Variants in ADAM8 observed in about 807,000 individuals in gnomAD.
ADAM8 encodes ADAM metallopeptidase domain 8.
ADAM8 carries 104 observed loss-of-function variants against 102.4 expected under a neutral mutation model. The observed-to-expected ratio is 1.02, with a 90% CI of 0.87 to 1.20. The LOEUF is 1.20. ADAM8 is among the 50% of genes most tolerant of loss of function. The pLI, the probability that ADAM8 is intolerant of heterozygous loss-of-function variation, is 0.00. For synonymous variants in ADAM8, 517 were observed against 485.2 expected (o/e 1.07, Z -0.86); for missense variants, 1,132 against 1,159.0 (o/e 0.98, Z 0.34).
rs765487527 is a variant in ADAM8 at position 133,268,893 on chromosome 10, G to C, written c.1949-31C>G. ...GGACACACGGCCCCACATCAGGCAG[G>C]CAGGCCGCGACCTCAGGCAGGAGCC... On this transcript the variant is annotated intron_variant, in intron 18 of 22. Coordinates refer to ENST00000445355, the MANE Select transcript of ADAM8 (RefSeq NM_001109.5). The C allele has an allele frequency of 3.1e-6, 5 of 1,593,780 alleles. No individual in the cohort carries two copies. The Admixed American group carries it at 6.8e-5, about 22-fold the overall frequency.
chr10:133,269,606 G>T, intron 17 of ADAM8, 77 bp from the exon 18 acceptor site: 2 of 1,393,252 alleles, frequency 1.4e-6, no homozygotes, highest in South Asian at 1.4e-5. Flanking sequence ...TCCAGCATGA[G>T]GGCCCCGGGC....
Position 133,270,744 on chromosome 10 carries a change from G to A in ADAM8, c.1626C>T (p.Ser542=). The part of the protein sequence containing the change: ...SYDILPGCKA[S]RYRADMCGVL... ...GGGCGGTCTCAGCTCACCTGTACCG[G>A]CTGGCCTTGCAGCCTGGTAGGATGT... Residue 542 remains serine (S), a synonymous_variant, in exon 15 of 23, where the codon AGC becomes AGT. Coordinates refer to ENST00000445355, the MANE Select transcript of ADAM8 (RefSeq NM_001109.5). The A allele has an allele frequency of 6.2e-7, 1 of 1,605,424 alleles. No individual in the cohort carries two copies. Among genetic ancestry groups the A allele is most frequent in the East Asian group, 2.3e-5 (1 of 44,216 alleles).
At chr10:133,275,429 C>T in intron 2 of ADAM8, 55 bp downstream of exon 2, 1 of 1,384,190 alleles carries the variant, frequency 7.2e-7, no homozygotes, top group African/African-American at 1.5e-5. Context: ...GCTCCTTTCA[C>T]AAAAATAGGC....
chr10:133,274,067 G>C (rs750392838), intron 3 of ADAM8, 38 bp from the exon 4 acceptor site: 4 of 1,593,598 alleles, frequency 2.5e-6, no homozygotes, highest in Non-Finnish European at 3.4e-6. Flanking sequence ...GGCCCCCTCG[G>C]TGCAGAGAGG....
At chr10:133,273,883 G>A (rs1206379486) in intron 4 of ADAM8, 45 bp from the exon 5 acceptor site, 3 of 1,551,912 alleles carry the variant, frequency 1.9e-6, no homozygotes, top group Non-Finnish European at 2.6e-6. Context: ...TGCCCCCATG[G>A]CCCCACAGGC....
intron 21 of ADAM8, among the ~76,000 whole-genome samples, chr10:133,265,526 T>G (rs922046251): frequency 3.9e-5 from 6 of 152,018 alleles, no homozygotes; most frequent in Admixed American, 1.3e-4. Context: ...GCATGGTGGC[T>G]CACGTCTGTA....
chr10:133,265,251 T>C (rs1353056397), intron 21 of ADAM8, among the ~76,000 whole-genome samples: 1 of 133,864 alleles, frequency 7.5e-6, no homozygotes, highest in Admixed American at 7.6e-5. Flanking sequence ...CTCTGCCCCA[T>C]CTACCGCCAC....
chr10:133,269,666 C>T (rs911885425), intron 17 of ADAM8, 137 bp from the exon 18 acceptor site: 22 of 971,698 alleles, frequency 2.3e-5, no homozygotes, highest in African/African-American at 1.3e-4. Flanking sequence ...GCGCCGACGG[C>T]GAGGCCTCTC....
chr10:133,273,329 G>A lies in ADAM8; in HGVS notation c.498C>T (p.Thr166=), dbSNP rs751907523. 3.2e-6 allele frequency: 5 copies of A among 1,576,880 alleles called. No homozygotes were observed. Among genetic ancestry groups the A allele is most frequent in the African/African-American group, 1.4e-5 (1 of 74,068 alleles). Residue 166 remains threonine, a synonymous_variant, in exon 6 of 23, where the codon ACC becomes ACT. Transcript: ENST00000445355. ...QAEHLLQTAG[T]CGVSDDSLGS... ...CCAGGCTGTCGTCGCTGACCCCGCA[G>A]GTCCCGGCCGTCTGCAGCAGGTGCT...
intron 21 of ADAM8, among the ~76,000 whole-genome samples, chr10:133,267,078 G>T (rs552243951): frequency 6.6e-6 from 1 of 152,178 alleles, no homozygotes; most frequent in African/African-American, 2.4e-5. Context: ...TCTGGGAGGG[G>T]CTTGGTGGGC....
chr10:133,274,136 G>A (rs1362370188), intron 3 of ADAM8, 23 bp downstream of exon 3: 2 of 1,582,624 alleles, frequency 1.3e-6, no homozygotes, highest in African/African-American at 1.3e-5. Context: ...CCGGGCAGGG[G>A]GGCCGACCCG....
intron 21 of ADAM8, among the ~76,000 whole-genome samples, chr10:133,266,461 C>A (rs1846324856): frequency 6.6e-6 from 1 of 152,140 alleles, no homozygotes; most frequent in Admixed American, 6.5e-5. Flanking sequence ...GCTCTCCTGC[C>A]CCAGGTCTTC....
chr10:133,267,378 C>G lies in ADAM8; in HGVS notation c.2293G>C (p.Val765Leu). Reference protein sequence around the residue: ...TVSSPPFPVPVYTRQAPKQVI... With the variant: ...TVSSPPFPVPLYTRQAPKQVI... ...TGCTTTGGTGCCTGCCGGGTGTAGA[C>G]AGGAACTGGGAAGGGTGGGCTGGAC... Residue 765 changes from valine (V) to leucine (L), a missense_variant, in exon 21 of 23, where the codon GTC (valine) becomes CTC (leucine). By Grantham distance (32) the Val-to-Leu change is conservative. Coordinates refer to ENST00000445355, the MANE Select transcript of ADAM8 (RefSeq NM_001109.5). 1 of 1,610,466 alleles carries G rather than the reference C, an allele frequency of 6.2e-7. No individual in the cohort carries two copies. The highest frequency in any genetic ancestry group is 8.5e-7 in the Non-Finnish European group (1 of 1,179,198).
Position 133,270,342 on chromosome 10 carries a change from T to G in ADAM8, c.1785+18A>C. 1.3e-6 allele frequency: 2 copies of G among 1,572,366 alleles called. No homozygotes were observed. Among genetic ancestry groups the G allele is most frequent in the Non-Finnish European group, 1.7e-6 (2 of 1,152,404 alleles). ...GGGATGCCTGGGGGGTGGCGCGGCC[T>G]CTGAGCCAGGGGCTCACCTTCTCTG... On this transcript the variant is annotated intron_variant, in intron 16 of 22. Transcript: ENST00000445355.
At chr10:133,263,610 G>T in intron 22 of ADAM8, 78 bp downstream of exon 22, 1 of 1,428,794 alleles carries the variant, frequency 7.0e-7, no homozygotes, top group Non-Finnish European at 9.3e-7. Context: ...CTCCAGGGCA[G>T]TGCCACCGTC....
rs752138885 is a variant in ADAM8, at chr10:133,269,897, C to G, written c.1863G>C (p.Gly621=). 5.0e-6 allele frequency: 8 copies of G among 1,612,550 alleles called. No homozygotes were observed. Among genetic ancestry groups the G allele is most frequent in the Admixed American group, 1.7e-5 (1 of 60,012 alleles). The change falls in exon 17 of 23, where the codon GGG becomes GGC. Residue 621 remains glycine, a splice_region_variant and synonymous_variant. Coordinates refer to ENST00000445355, the MANE Select transcript of ADAM8 (RefSeq NM_001109.5). ...CCCTGTCCCGAGAGGCCACACATAC[C>G]CCATGGTTGTGGCACTGGGCAGAGC... ...SNCSAQCHNH[G]VCNHKQECHC... is the part of the protein sequence containing the mutation.
At position 133,272,885 on chromosome 10, in the gene ADAM8, C is replaced by G; in HGVS notation, c.637-19G>C. ...TCTGGAACTGGGGACACGAGACCCT[C>G]AGGCTGGAGCCCACACACCCCCCAT... On this transcript the variant is annotated intron_variant, in intron 7 of 22. Transcript: ENST00000445355. 6.2e-7 allele frequency: 1 copy of G among 1,611,082 alleles called. No individual in the cohort carries two copies. Among genetic ancestry groups the G allele is most frequent in the Non-Finnish European group, 8.5e-7 (1 of 1,178,638 alleles).
intron 16 of ADAM8, 59 bp downstream of exon 16, chr10:133,270,301 C>G: frequency 6.5e-7 from 1 of 1,542,446 alleles, no homozygotes; most frequent in South Asian, 1.2e-5. Context: ...TCTGCACCCA[C>G]GTGGGGCACA....
intron 1 of ADAM8, 80 bp downstream of exon 1, chr10:133,276,692 C>A: frequency 6.7e-7 from 1 of 1,501,670 alleles, no homozygotes; most frequent in South Asian, 1.2e-5. Flanking sequence ...AGGCCAGGGG[C>A]TCGGGGTCCG....
Sources: allele counts gnomAD v4.1 joint callset (sites outside exome capture counted in the v4.1 genomes callset), GRCh38; gene constraint gnomAD v4.1.1; transcripts MANE v1.5; gene names NCBI Gene and HGNC (gene_info 2026-07-23, HGNC 2026-07-21).